DOCK6: variants seen among roughly 807,000 people sequenced by gnomAD.
DOCK6 encodes the protein dedicator of cytokinesis protein 6.
Under a neutral mutation model 230.3 loss-of-function variants are expected in DOCK6, and 167 were observed. The ratio of observed to expected loss-of-function variants is 0.73; its 90% CI spans 0.64 to 0.82. The LOEUF (loss-of-function observed/expected upper bound fraction) is 0.82, where lower values mean the gene tolerates loss of function less well. Ranked by LOEUF, DOCK6 falls within the 40% of genes least tolerant of loss-of-function variation. DOCK6 has a pLI of 0.00. For missense variants in DOCK6, 2,598 were observed against 2,825.8 expected, an observed-to-expected ratio of 0.92 and a Z score of 1.83; for synonymous variants, 1,148 against 1,185.0, an observed-to-expected ratio of 0.97 and a Z score of 0.64.
At chr19:11,223,138 CCCAAACCTCAGCCCCGACA>C in intron 24 of DOCK6, 32 bp from the exon 25 acceptor site, 1 of 1,599,450 alleles carries the variant, frequency 6.3e-7, no homozygotes, top group Non-Finnish European at 8.6e-7. Context: ...AACCCACACA[CCCAAACCTCAGCCCCGACA>C]GGGGCTTGGC....
rs560082517 is a variant in DOCK6, at chr19:11,222,556, A to C, written c.3240+179T>G. Among the ~76,000 whole-genome samples the C allele has an allele frequency of 6.6e-6, 1 of 152,280 alleles. No individual in the cohort carries two copies. The highest frequency in any genetic ancestry group is 6.5e-5 in the Admixed American group (1 of 15,292). On this transcript the variant is annotated intron_variant, in intron 26 of 47. Transcript: ENST00000294618. This position sits in a 1 kb window ranked among gnomAD's most constrained non-coding sequence, Gnocchi z 4.0. ...GAAATCAGAGGTTAGTCCTTCTGGG[A>C]AATTGCTGAGAATGGCAAGAGAGGT... is the stretch of plus-strand genomic sequence containing the variant.
chr19:11,239,723 T>C (rs938750315), intron 14 of DOCK6: 5 of 1,613,486 alleles, frequency 3.1e-6, no homozygotes, highest in Non-Finnish European at 4.2e-6. Flanking sequence ...GGCCCAGAAC[T>C]GGCACAGCAT....
Position 11,201,767 on chromosome 19 carries a change from T to G in DOCK6, c.5688+122A>C. On this transcript the variant is annotated intron_variant, in intron 44 of 47. Coordinates refer to ENST00000294618, the MANE Select transcript of DOCK6 (RefSeq NM_020812.4). This position sits in a 1 kb window ranked among gnomAD's most constrained non-coding sequence, Gnocchi z 4.3. The stretch of plus-strand genomic sequence containing the variant: ...GTCTAGGGTCCCTGTGCCACCCCTC[T>G]CTGGGTCTGAGGTCCGTGAACCACC... The G allele has an allele frequency of 1.1e-6, 1 of 926,178 alleles. No individual in the cohort carries two copies. Among genetic ancestry groups the G allele is most frequent in the Non-Finnish European group, 1.6e-6 (1 of 616,254 alleles). The allele number at this position is 926,178 out of a possible 1,614,324, so 57.4% of individuals were successfully genotyped here.
At position 11,243,091 on chromosome 19, in the gene DOCK6, G is replaced by A; in HGVS notation, c.1448C>T (p.Ser483Leu). The change falls in exon 13 of 48, where the codon TCG (serine) becomes TTG (leucine). Residue 483 changes from serine to leucine, a missense_variant. Ser to Leu is a moderately radical substitution (Grantham distance 145). Transcript: ENST00000294618. The surrounding 1 kb of genome is among the most constrained non-coding windows in gnomAD (Gnocchi z 6.3). ...AGGACGTAGTCGCCGCAGCAGGGAC[G>A]ACGGGCGCCTCATGTCAGCCAGGAA... The part of the protein sequence containing the change: ...FKFLADMRRP[S>L]SLLRRLRPVT... The A allele has an allele frequency of 6.2e-7, 1 of 1,613,960 alleles. No homozygotes were observed. The highest frequency in any genetic ancestry group is 8.5e-7 in the Non-Finnish European group (1 of 1,179,890).
intron 47 of DOCK6, 34 bp from the exon 48 acceptor site, chr19:11,199,573 A>T (rs768675299): frequency 1.2e-5 from 19 of 1,562,450 alleles, no homozygotes; most frequent in Non-Finnish European, 1.6e-5. Context: ...CAGCATGGCC[A>T]TGGGGCCCCC....
chr19:11,253,757 C>T (rs369846752), intron 1 of DOCK6, 31 bp from the exon 2 acceptor site: 197 of 1,402,952 alleles, frequency 1.4e-4, no homozygotes, highest in Non-Finnish European at 1.7e-4. Context: ...CCATTGGGGA[C>T]GGGAAAACTC....
At position 11,200,444 on chromosome 19, in the gene DOCK6, TA is replaced by T. The variant is rs760841190; in HGVS notation, c.5964del (p.Asn1988LysfsTer4). ...CKKCEDALRKNKALIGPDQKE... is the reference protein window; with the variant it reads ...CKKCEDALRKXKALIGPDQKE... ...TTCTGGTCCGGCCCAATCAGGGCCT[TA>T]TTTTTCCGCAGCGCATCCTCACATC... On this transcript the variant is annotated frameshift_variant, in exon 47 of 48. Transcript: ENST00000294618. LOFTEE classifies it high-confidence loss of function. This position sits in a 1 kb window ranked among gnomAD's most constrained non-coding sequence, Gnocchi z 4.3. The T allele has an allele frequency of 6.2e-7, 1 of 1,611,666 alleles. No homozygotes were observed. The highest frequency in any genetic ancestry group is 2.2e-5 in the East Asian group (1 of 44,780).
At chr19:11,261,422 TG>T (rs1357649131) in intron 1 of DOCK6, among the ~76,000 whole-genome samples, 1 of 148,114 alleles carries the variant, frequency 6.8e-6, no homozygotes, top group Admixed American at 6.7e-5. Flanking sequence ...ATCAGGCTTC[TG>T]GTCTCTCTCC....
At chr19:11,254,905 G>A (rs551442225) in intron 1 of DOCK6, among the ~76,000 whole-genome samples, 1 of 152,292 alleles carries the variant, frequency 6.6e-6, no homozygotes, top group South Asian at 2.1e-4. Context: ...TTCGGGCTCC[G>A]TGCTTTGAGT....
At position 11,243,807 on chromosome 19, in the gene DOCK6, C is replaced by G. The variant is rs2079989490; in HGVS notation, c.1099G>C (p.Ala367Pro). 6.2e-7 allele frequency: 1 copy of G among 1,613,030 alleles called. No homozygotes were observed. The highest frequency in any genetic ancestry group is 1.7e-5 in the Admixed American group (1 of 59,834). ...TCCAGCCTCCACACGCTTACCTTGGCTGTGTCCACTTCTTTCAACACCATG... is the reference window on the plus strand; with the variant it reads ...TCCAGCCTCCACACGCTTACCTTGGGTGTGTCCACTTCTTTCAACACCATG... ...PYMVLKEVDT[A>P]KNKEKLEKLR... Residue 367 changes from alanine to proline, a missense_variant, in exon 10 of 48, where the codon GCC (alanine) becomes CCC (proline). Ala to Pro is a conservative substitution (Grantham distance 27). Coordinates refer to ENST00000294618, the MANE Select transcript of DOCK6 (RefSeq NM_020812.4). This position sits in a 1 kb window ranked among gnomAD's most constrained non-coding sequence, Gnocchi z 6.3.
intron 23 of DOCK6, chr19:11,228,731 T>A: frequency 2.2e-6 from 1 of 453,650 alleles, no homozygotes; most frequent in South Asian, 2.5e-5. Context: ...GGCTAATTTT[T>A]TTTTGTATTT....
chr19:11,239,751 CT>C (rs1158627044), intron 14 of DOCK6: 7 of 1,612,726 alleles, frequency 4.3e-6, no homozygotes, highest in African/African-American at 2.7e-5. Context: ...TGACCCTGCT[CT>C]TCCATGGGAC....
In DOCK6 at chr19:11,237,507, G is replaced by C. The variant is rs1368897590; in HGVS notation, c.2022C>G (p.Leu674=). The change falls in exon 18 of 48, where the codon CTC becomes CTG. Residue 674 remains leucine, a synonymous_variant. Transcript: ENST00000294618. ...GCGGCGGCTGGTCCACAGACACTGGGAGACAGAAGGGGCCGGTCCTCAGGC... is the reference window on the plus strand; with the variant it reads ...GCGGCGGCTGGTCCACAGACACTGGCAGACAGAAGGGGCCGGTCCTCAGGC... The part of the protein sequence containing the change: ...HGRLRTGPFC[L]PVSVDQPPPS... 3.7e-6 allele frequency: 6 copies of C among 1,613,228 alleles called. No individual in the cohort carries two copies. The Admixed American group carries it at 1.0e-4, about 27-fold the overall frequency.
chr19:11,206,609 C>T (rs773780619), intron 39 of DOCK6, among the ~76,000 whole-genome samples: 10 of 151,850 alleles, frequency 6.6e-5, no homozygotes, highest in Admixed American at 1.3e-4. Context: ...TACAGATCAG[C>T]GACAGCCATT....
In DOCK6 at chr19:11,233,276, C is replaced by A. The variant is rs760678439; in HGVS notation, c.2645G>T (p.Ser882Ile). ...CACGGCGAGGTCAGGGTTGCTGCTG[C>A]TGATGCTCTTGGAACGCGCCAGGTA... ...SLYLARSKSI[S>I]SSNPDLAVAP... Residue 882 changes from serine to isoleucine, a missense_variant, in exon 22 of 48, where the codon AGC becomes ATC. Transcript: ENST00000294618. 13 of 1,613,890 alleles carry A rather than the reference C, an allele frequency of 8.1e-6. No homozygotes were observed. Among genetic ancestry groups the A allele is most frequent in the East Asian group, 2.2e-5 (1 of 44,886 alleles).
rs772583269 is a variant in DOCK6, at chr19:11,245,815, C to CT, written c.869dup (p.Lys291GlufsTer45). On this transcript the variant is annotated frameshift_variant, in exon 8 of 48. Coordinates refer to ENST00000294618, the MANE Select transcript of DOCK6 (RefSeq NM_020812.4). LOFTEE classifies it high-confidence loss of function. ...AAGAGAAAAAAGGGCCTCCTACCTTCTTTTTCTCCCGCACATCATACAGAG... is the reference window on the plus strand; with the variant it reads ...AAGAGAAAAAAGGGCCTCCTACCTTCTTTTTTCTCCCGCACATCATACAGAG... 76 of 1,576,358 alleles carry CT rather than the reference C, an allele frequency of 4.8e-5. No homozygotes were observed. The highest frequency in any genetic ancestry group is 5.9e-5 in the Non-Finnish European group (68 of 1,160,666).
At chr19:11,228,563 T>A (rs1198006747) in intron 23 of DOCK6, among the ~76,000 whole-genome samples, 6 of 148,690 alleles carry the variant, frequency 4.0e-5, no homozygotes, top group Admixed American at 2.7e-4. Flanking sequence ...CTTCTCTCTT[T>A]TTTTTTTTTT....
chr19:11,221,561 A>T (rs1280454957), intron 28 of DOCK6: 1 of 406,648 alleles, frequency 2.5e-6, no homozygotes, highest in African/African-American at 2.0e-5. Context: ...AAATGGTACA[A>T]TAATATCTCC....
At position 11,212,105 on chromosome 19, in the gene DOCK6, A is replaced by G. The variant is rs752922659; in HGVS notation, c.4538T>C (p.Leu1513Pro). ...ACTGAAGTTCTGCGTCGTCCCCACCAGGGACGAGAGAGACATGGTGACCTG... is the reference window on the plus strand; with the variant it reads ...ACTGAAGTTCTGCGTCGTCCCCACCGGGGACGAGAGAGACATGGTGACCTG... Reference protein sequence around the residue: ...KMQVTMSLSSLVGTTQNFSEE... With the variant: ...KMQVTMSLSSPVGTTQNFSEE... Residue 1513 changes from leucine (L) to proline (P), a missense_variant, in exon 36 of 48, where the codon CTG becomes CCG. Physicochemically the swap from Leu to Pro is moderately conservative, Grantham distance 98. Coordinates refer to ENST00000294618, the MANE Select transcript of DOCK6 (RefSeq NM_020812.4). The G allele has an allele frequency of 6.2e-7, 1 of 1,607,880 alleles. No homozygotes were observed.
Sources: allele counts gnomAD v4.1 joint callset (sites outside exome capture counted in the v4.1 genomes callset), GRCh38; gene constraint gnomAD v4.1.1; non-coding constraint Gnocchi (gnomAD v3.1); transcripts MANE v1.5; gene names NCBI Gene and HGNC (gene_info 2026-07-23, HGNC 2026-07-21).